Variants in PIWIL2 observed in about 807,000 individuals in gnomAD.
PIWIL2 encodes the protein piwi like RNA-mediated gene silencing 2.
Under a neutral mutation model 116.5 loss-of-function variants are expected in PIWIL2, and 81 were observed. The ratio of observed to expected loss-of-function variants is 0.70; its 90% CI spans 0.58 to 0.84. The LOEUF is 0.84. Ranked by LOEUF, PIWIL2 falls within the 40% of genes least tolerant of loss-of-function variation. The pLI, the probability that PIWIL2 is intolerant of heterozygous loss-of-function variation, is 0.00. For synonymous variants in PIWIL2, 489 were observed against 429.5 expected (o/e 1.14, Z -1.71); for missense variants, 1,272 against 1,212.3 (o/e 1.05, Z -0.73).
At chr8:22,285,106 C>G (rs1830600967) in intron 6 of PIWIL2, among the ~76,000 whole-genome samples, 1 of 152,134 alleles carries the variant, frequency 6.6e-6, no homozygotes. Flanking sequence ...TTTAAAATCT[C>G]TTTCAGGAAT....
Position 22,315,142 on chromosome 8 carries a change from T to C in PIWIL2, c.2205T>C (p.Pro735=). 1 of 1,503,912 alleles carries C rather than the reference T, an allele frequency of 6.6e-7. No individual in the cohort carries two copies. The highest frequency in any genetic ancestry group is 9.3e-7 in the Non-Finnish European group (1 of 1,079,424). 93.2% of individuals were successfully genotyped at this position (1,503,912 alleles called of 1,614,324 possible). A position where few individuals can be genotyped will look rare whatever the true frequency, so the allele number is the denominator to read the frequency against. The change falls in exon 18 of 23, where the codon CCT becomes CCC. Residue 735 remains proline (P), a synonymous_variant. Coordinates refer to ENST00000356766, the MANE Select transcript of PIWIL2 (RefSeq NM_018068.5). ...LGGELWGVDI[P]LKQLMVIGMD... ...GTGAGCTCTGGGGAGTGGATATTCC[T>C]CTGGTGAGTGATGCCGAGATGGTTC...
intron 20 of PIWIL2, among the ~76,000 whole-genome samples, chr8:22,345,250 ATGTACCCAAGAAAATTGAAAACATTG>A (rs1832199033): frequency 2.6e-5 from 4 of 152,240 alleles, no homozygotes; most frequent in African/African-American, 9.6e-5. Flanking sequence ...AGTCCTAGGT[ATGTACCCAAGAAAATTGAAAACATTG>A]TGTACCCAAG....
In PIWIL2 at chr8:22,318,209, G is replaced by C. The variant is rs556479207; in HGVS notation, c.2337G>C (p.Met779Ile). ...GGTATTCCCGGGTGGTGTTCCAGATGCCGCATCAGGAGATTGTGGACAGCC... is the reference window on the plus strand; with the variant it reads ...GGTATTCCCGGGTGGTGTTCCAGATCCCGCATCAGGAGATTGTGGACAGCC... The part of the protein sequence containing the change: ...TKWYSRVVFQ[M>I]PHQEIVDSLK... The change falls in exon 20 of 23, where the codon ATG (methionine) becomes ATC (isoleucine). Residue 779 changes from methionine to isoleucine, a missense_variant. Met to Ile is a conservative substitution (Grantham distance 10, BLOSUM62 1). Transcript: ENST00000356766. 2 of 1,613,828 alleles carry C rather than the reference G, an allele frequency of 1.2e-6. No individual in the cohort carries two copies. Among genetic ancestry groups the C allele is most frequent in the South Asian group, 2.2e-5 (2 of 91,082 alleles).
intron 19 of PIWIL2, among the ~76,000 whole-genome samples, chr8:22,317,212 T>C (rs1465903131): frequency 2.0e-5 from 3 of 152,212 alleles, no homozygotes; most frequent in African/African-American, 7.2e-5. Flanking sequence ...TTTGATTGTT[T>C]GTTCCAACTG....
At chr8:22,324,467 T>C (rs1297490870) in intron 20 of PIWIL2, among the ~76,000 whole-genome samples, 1 of 152,124 alleles carries the variant, frequency 6.6e-6, no homozygotes, top group Non-Finnish European at 1.5e-5. Context: ...CCCATTCATA[T>C]AGAGCAGTGT....
chr8:22,332,203 G>A (rs1370129412), intron 20 of PIWIL2, among the ~76,000 whole-genome samples: 2 of 152,140 alleles, frequency 1.3e-5, no homozygotes, highest in African/African-American at 4.8e-5. Flanking sequence ...TTCTCAGGAG[G>A]CTGAGTCACG....
chr8:22,320,466 T>A (rs952660436), intron 20 of PIWIL2, among the ~76,000 whole-genome samples: 1 of 151,478 alleles, frequency 6.6e-6, no homozygotes, highest in Admixed American at 6.6e-5. Flanking sequence ...GAGACGGGGT[T>A]TTGCCATGTT....
chr8:22,293,021 A>G (rs1159802611), intron 10 of PIWIL2, among the ~76,000 whole-genome samples: 2 of 152,256 alleles, frequency 1.3e-5, no homozygotes, highest in Non-Finnish European at 2.9e-5. Context: ...AATGTTCAAG[A>G]ATATTTATTA....
intron 14 of PIWIL2, among the ~76,000 whole-genome samples, chr8:22,309,204 C>T (rs1831265018): frequency 6.6e-6 from 1 of 151,876 alleles, no homozygotes; most frequent in Non-Finnish European, 1.5e-5. Flanking sequence ...TCGTGATCCA[C>T]CCGCCTTGGC....
At chr8:22,325,199 C>T (rs552969974) in intron 20 of PIWIL2, among the ~76,000 whole-genome samples, 161 of 152,272 alleles carry the variant, frequency 1.1e-3, no homozygotes, top group Non-Finnish European at 1.9e-3. Context: ...GTCACAATAG[C>T]ATCCTGCCCA....
rs563078398 is a variant in PIWIL2, at chr8:22,306,290, C to A, written c.1545+274C>A. Among the ~76,000 whole-genome samples, 3 of 152,324 alleles carry A rather than the reference C, an allele frequency of 2.0e-5. No homozygotes were observed. In the East Asian group the frequency reaches 5.8e-4, roughly 29 times the overall value. The stretch of plus-strand genomic sequence containing the variant: ...TTATAAAATAAGAAGAAACAAACAA[C>A]TCTGTCTTCATCCTCACCAGTCAGG... On this transcript the variant is annotated intron_variant, in intron 13 of 22. Transcript: ENST00000356766.
At chr8:22,298,296 A>C (rs1830961838) in intron 10 of PIWIL2, among the ~76,000 whole-genome samples, 1 of 152,166 alleles carries the variant, frequency 6.6e-6, no homozygotes. Context: ...AATATTTTCA[A>C]ATGATATACT....
intron 14 of PIWIL2, among the ~76,000 whole-genome samples, chr8:22,308,754 T>C (rs1403735649): frequency 6.6e-6 from 1 of 152,174 alleles, no homozygotes; most frequent in Non-Finnish European, 1.5e-5. Flanking sequence ...TTCCAAGTGA[T>C]TCTCCTGTCT....
At chr8:22,281,273 G>C in intron 3 of PIWIL2, 66 bp downstream of exon 3, 10 of 1,544,362 alleles carry the variant, frequency 6.5e-6, no homozygotes, top group Non-Finnish European at 8.8e-6. Context: ...AAATCCAAAT[G>C]GTTTATTTTC....
intron 5 of PIWIL2, among the ~76,000 whole-genome samples, chr8:22,283,822 T>C (rs962253307): frequency 3.3e-5 from 5 of 152,232 alleles, no homozygotes; most frequent in African/African-American, 1.2e-4. Context: ...TTCCTTGTCA[T>C]GTTGAAGATA....
At chr8:22,330,870 T>G (rs1350127865) in intron 20 of PIWIL2, among the ~76,000 whole-genome samples, 1 of 151,902 alleles carries the variant, frequency 6.6e-6, no homozygotes, top group African/African-American at 2.4e-5. Context: ...TCATAATTCT[T>G]TGTTGAAAAC....
intron 19 of PIWIL2, among the ~76,000 whole-genome samples, chr8:22,317,205 G>T (rs933471322): frequency 6.6e-6 from 1 of 152,136 alleles, no homozygotes; most frequent in East Asian, 1.9e-4. Context: ...AGGTTTTTTT[G>T]ATTGTTTGTT....
At chr8:22,348,863 G>A (rs890840904) in intron 20 of PIWIL2, among the ~76,000 whole-genome samples, 3 of 152,112 alleles carry the variant, frequency 2.0e-5, no homozygotes, top group African/African-American at 7.2e-5. Context: ...TAGACTAGAT[G>A]ACCTAGACAG....
intron 18 of PIWIL2, among the ~76,000 whole-genome samples, chr8:22,315,394 G>A (rs920563656): frequency 8.5e-5 from 13 of 152,288 alleles, no homozygotes; most frequent in Non-Finnish European, 1.3e-4. Flanking sequence ...TTGGCTCACT[G>A]CAACGTCCAC....
Sources: gnomAD v4.1 joint callset for allele counts (sites outside exome capture counted in the v4.1 genomes callset) on GRCh38, gnomAD v4.1.1 for gene constraint, MANE v1.5 for transcripts, NCBI Gene and HGNC (gene_info 2026-07-23, HGNC 2026-07-21) for gene names.